Variants in NCKAP5L observed in about 807,000 individuals in gnomAD.
NCKAP5L encodes the protein NCK associated protein 5 like, also known as nck-associated protein 5-like.
In NCKAP5L, 54 loss-of-function variants were observed where a neutral mutation model predicts 103.2. That is an observed-to-expected ratio of 0.52 (90% CI 0.42 to 0.66). The LOEUF (loss-of-function observed/expected upper bound fraction) is 0.66, where lower values mean the gene tolerates loss of function less well. Ranked by LOEUF, NCKAP5L falls within the 30% of genes least tolerant of loss-of-function variation. NCKAP5L has a pLI of 0.00. For missense variants in NCKAP5L, 1,733 were observed against 1,750.6 expected (o/e 0.99, Z 0.18); for synonymous variants, 762 against 748.6 (o/e 1.02, Z -0.29).
chr12:49,818,138 A>C (rs1478740800), intron 1 of NCKAP5L, among the ~76,000 whole-genome samples: 5 of 151,992 alleles, frequency 3.3e-5, no homozygotes, highest in African/African-American at 9.7e-5. Context: ...TCTTGGAAAA[A>C]AAAAAAAACA....
intron 9 of NCKAP5L, 46 bp from the exon 10 acceptor site, chr12:49,793,479 ACACCCCTCCC>A: frequency 6.3e-7 from 1 of 1,574,928 alleles, no homozygotes. Flanking sequence ...TCCCCCCTCC[ACACCCCTCCC>A]CATGCCTCTA....
Position 49,797,434 on chromosome 12 carries a change from C to T in NCKAP5L, c.466-40G>A. The T allele has an allele frequency of 1.4e-6, 2 of 1,454,546 alleles. No homozygotes were observed. Among genetic ancestry groups the T allele is most frequent in the Non-Finnish European group, 1.9e-6 (2 of 1,068,640 alleles). 90.1% of individuals were successfully genotyped at this position (1,454,546 alleles called of 1,614,324 possible). On this transcript the variant is annotated intron_variant, in intron 7 of 12. Coordinates refer to ENST00000335999, the MANE Select transcript of NCKAP5L (RefSeq NM_001037806.4). The surrounding 1 kb of genome is among the most constrained non-coding windows in gnomAD (Gnocchi z 4.5). Reference sequence around the variant, plus strand: ...GATGGCATGAGGAGGAGACCACACACAGCTGGGATCCAGTTCCAGGCCCAG... The same window carrying T: ...GATGGCATGAGGAGGAGACCACACATAGCTGGGATCCAGTTCCAGGCCCAG...
At chr12:49,800,609 T>C (rs1035717490) in intron 6 of NCKAP5L, among the ~76,000 whole-genome samples, 10 of 152,198 alleles carry the variant, frequency 6.6e-5, no homozygotes, top group African/African-American at 2.4e-4. Context: ...GCAATATGGG[T>C]ATTTTTATCC....
At chr12:49,814,893 T>C (rs1385647648) in intron 1 of NCKAP5L, among the ~76,000 whole-genome samples, 1 of 152,274 alleles carries the variant, frequency 6.6e-6, no homozygotes, top group Non-Finnish European at 1.5e-5. Flanking sequence ...CCTTTCATCA[T>C]TGTAACACTT....
At chr12:49,827,024 T>C (rs575076621) in intron 1 of NCKAP5L, among the ~76,000 whole-genome samples, 1 of 152,248 alleles carries the variant, frequency 6.6e-6, no homozygotes, top group African/African-American at 2.4e-5. Context: ...TCCCAGGTTG[T>C]TTTTAGGAAG....
In NCKAP5L at chr12:49,793,958, G is replaced by A. The variant is rs111850117; in HGVS notation, c.3096-62C>T. ...TTGCCTGCCCAGACATTCCAGCCTT[G>A]CACCCGCCAATGGTGCTGGGCTTAG... On this transcript the variant is annotated intron_variant, in intron 8 of 12. Coordinates refer to ENST00000335999, the MANE Select transcript of NCKAP5L (RefSeq NM_001037806.4). 6.6e-3 allele frequency: 9,127 copies of A among 1,387,002 alleles called. 41 individuals are homozygous for A. Among genetic ancestry groups the A allele is most frequent in the Non-Finnish European group, 7.4e-3 (7,785 of 1,057,798 alleles). 85.9% of individuals were successfully genotyped at this position (1,387,002 alleles called of 1,614,324 possible). A position where few individuals can be genotyped will look rare whatever the true frequency, so the allele number is the denominator to read the frequency against.
chr12:49,812,587 T>C (rs1946253338), intron 1 of NCKAP5L, among the ~76,000 whole-genome samples: 1 of 152,140 alleles, frequency 6.6e-6, no homozygotes, highest in Non-Finnish European at 1.5e-5. Context: ...TTTCACCATG[T>C]TGTCCAGGCT....
At chr12:49,819,017 C>G (rs1186092315) in intron 1 of NCKAP5L, among the ~76,000 whole-genome samples, 1 of 130,666 alleles carries the variant, frequency 7.7e-6, no homozygotes, top group East Asian at 2.5e-4. Flanking sequence ...GACAACACAA[C>G]AAGACCTTGT....
intron 5 of NCKAP5L, 110 bp from the exon 6 acceptor site, chr12:49,802,077 T>TG: frequency 1.5e-6 from 2 of 1,346,482 alleles, no homozygotes; most frequent in African/African-American, 1.4e-5. Context: ...AGGACCCTTC[T>TG]GGGCACACAC....
At chr12:49,811,300 C>A (rs1430724205) in intron 1 of NCKAP5L, among the ~76,000 whole-genome samples, 4 of 152,176 alleles carry the variant, frequency 2.6e-5, no homozygotes, top group Non-Finnish European at 5.9e-5. Context: ...AGTAAGAGAG[C>A]TGCTCTCTCA....
rs745996310 is a variant in NCKAP5L at position 49,795,248 on chromosome 12, C to T, written c.2612G>A (p.Ser871Asn). The change falls in exon 8 of 13, where the codon AGT (serine) becomes AAT (asparagine). Residue 871 changes from serine to asparagine, a missense_variant. By Grantham distance (46) the Ser-to-Asn change is conservative. Coordinates refer to ENST00000335999, the MANE Select transcript of NCKAP5L (RefSeq NM_001037806.4). Reference sequence around the variant, plus strand: ...TGGGGCCAGCCCCTCAGGGCCCTGACTTGGGTCAGTGGGGCCAGGTACTAG... The same window carrying T: ...TGGGGCCAGCCCCTCAGGGCCCTGATTTGGGTCAGTGGGGCCAGGTACTAG... Reference protein sequence around the residue: ...TPLVPGPTDPSQGPEGLAPHS... With the variant: ...TPLVPGPTDPNQGPEGLAPHS... 2.6e-6 allele frequency: 4 copies of T among 1,548,526 alleles called. No individual in the cohort carries two copies. The African/African-American group carries it at 5.5e-5, about 21-fold the overall frequency.
At chr12:49,818,029 A>T (rs1946318075) in intron 1 of NCKAP5L, among the ~76,000 whole-genome samples, 1 of 151,986 alleles carries the variant, frequency 6.6e-6, no homozygotes, top group African/African-American at 2.4e-5. Context: ...CTTGGGAGGC[A>T]GAGGCACAGG....
chr12:49,821,485 C>T (rs964914841), intron 1 of NCKAP5L, among the ~76,000 whole-genome samples: 1 of 152,208 alleles, frequency 6.6e-6, no homozygotes, highest in Non-Finnish European at 1.5e-5. Flanking sequence ...GCCACTCAAG[C>T]CAAGTTGAGA....
rs780887742 is a variant in NCKAP5L at position 49,792,790 on chromosome 12, C to T, written c.3537G>A (p.Glu1179=). The T allele has an allele frequency of 2.5e-6, 4 of 1,605,582 alleles. No individual in the cohort carries two copies. In the African/African-American group the frequency reaches 4.0e-5, roughly 16 times the overall value. Residue 1179 remains glutamate, a synonymous_variant, in exon 11 of 13, where the codon GAG becomes GAA. Transcript: ENST00000335999. The surrounding 1 kb of genome is among the most constrained non-coding windows in gnomAD (Gnocchi z 4.5). The stretch of plus-strand genomic sequence containing the variant: ...CCAGCAGCTCCTCTATGCCTGGCAC[C>T]TCCCGCTCCAGTGTGTGGGCGCGGC... ...VPRRAHTLER[E]VPGIEELLVS...
At chr12:49,804,298 C>A (rs1946156427) in intron 2 of NCKAP5L, 1 of 320,186 alleles carries the variant, frequency 3.1e-6, no homozygotes, top group Non-Finnish European at 5.7e-6. Flanking sequence ...CATACTCACA[C>A]AAGAAACCTG....
At chr12:49,821,481 C>G (rs1021344386) in intron 1 of NCKAP5L, among the ~76,000 whole-genome samples, 1 of 152,218 alleles carries the variant, frequency 6.6e-6, no homozygotes, top group Non-Finnish European at 1.5e-5. Flanking sequence ...AGAAGCCACT[C>G]AAGCCAAGTT....
At chr12:49,809,443 C>T (rs890391284) in intron 1 of NCKAP5L, among the ~76,000 whole-genome samples, 8 of 152,124 alleles carry the variant, frequency 5.3e-5, no homozygotes, top group Non-Finnish European at 7.4e-5. Context: ...GCTGTTCCCC[C>T]CAGAGTCCTC....
intron 1 of NCKAP5L, among the ~76,000 whole-genome samples, chr12:49,811,760 G>A (rs57832845): frequency 6.6e-6 from 1 of 151,872 alleles, no homozygotes; most frequent in African/African-American, 2.4e-5. Context: ...GCGACAAAGA[G>A]GGACCCTTTT....
intron 4 of NCKAP5L, 35 bp downstream of exon 4, chr12:49,803,062 C>A: frequency 6.2e-7 from 1 of 1,614,214 alleles, no homozygotes; most frequent in Non-Finnish European, 8.5e-7. Context: ...AGCAGATGAG[C>A]CACATCCCCC....
Sources: allele counts gnomAD v4.1 joint callset (sites outside exome capture counted in the v4.1 genomes callset), GRCh38; gene constraint gnomAD v4.1.1; non-coding constraint Gnocchi (gnomAD v3.1); transcripts MANE v1.5; gene names NCBI Gene and HGNC (gene_info 2026-07-23, HGNC 2026-07-21).